The following USP28 variants were observed in gnomAD, a reference collection of about 807,000 sequenced individuals.
USP28 encodes ubiquitin carboxyl-terminal hydrolase 28.
Under a neutral mutation model 145.0 loss-of-function variants are expected in USP28, and 113 were observed. The observed-to-expected ratio is 0.78, with a 90% CI of 0.67 to 0.91. USP28 has a LOEUF of 0.91. USP28 is among the 40% of genes least tolerant of loss of function. The pLI is 0.00. For missense variants in USP28, 1,201 were observed against 1,289.6 expected, an observed-to-expected ratio of 0.93 and a Z score of 1.05; for synonymous variants, 447 against 450.9, an observed-to-expected ratio of 0.99 and a Z score of 0.11.
intron 3 of USP28, among the ~76,000 whole-genome samples, chr11:113,850,224 T>G (rs549063786): frequency 3.3e-4 from 50 of 152,198 alleles, no homozygotes; most frequent in African/African-American, 1.2e-3. Flanking sequence ...AAGATAAGCG[T>G]ATCTTAATAC....
intron 1 of USP28, among the ~76,000 whole-genome samples, chr11:113,856,619 AC>A (rs1345199814): frequency 6.6e-6 from 1 of 152,228 alleles, no homozygotes; most frequent in African/African-American, 2.4e-5. Context: ...GCACTATACC[AC>A]GCTGTATCTG....
chr11:113,872,169 C>A (rs949489861), intron 1 of USP28, among the ~76,000 whole-genome samples: 5 of 152,174 alleles, frequency 3.3e-5, no homozygotes, highest in African/African-American at 1.2e-4. Flanking sequence ...GATTTAATTT[C>A]TTTGATGAAA....
intron 7 of USP28, among the ~76,000 whole-genome samples, chr11:113,833,138 TC>T (rs1308976082): frequency 2.0e-5 from 3 of 152,196 alleles, no homozygotes; most frequent in Non-Finnish European, 2.9e-5. Context: ...TCCAATCTCC[TC>T]CTTTCTACAT....
intron 1 of USP28, 96 bp from the exon 2 acceptor site, chr11:113,854,431 C>T (rs1946818906): frequency 8.2e-7 from 1 of 1,214,116 alleles, no homozygotes; most frequent in Admixed American, 2.0e-5. Flanking sequence ...GATAAACAGG[C>T]CTGAGGCTTG....
intron 3 of USP28, among the ~76,000 whole-genome samples, chr11:113,849,527 C>A (rs1176461162): frequency 6.6e-6 from 1 of 152,082 alleles, no homozygotes; most frequent in Non-Finnish European, 1.5e-5. Flanking sequence ...GGCAGGAGAG[C>A]AATGGAAACC....
chr11:113,839,965 G>A (rs1049706245), intron 5 of USP28, among the ~76,000 whole-genome samples: 1 of 152,190 alleles, frequency 6.6e-6, no homozygotes, highest in Admixed American at 6.5e-5. Context: ...GCAGTGAGCT[G>A]AGATCGCACC....
At chr11:113,799,117 G>T in exon 25 of USP28, 1 of 1,064,158 alleles carries the variant, frequency 9.4e-7, no homozygotes, top group Non-Finnish European at 1.4e-6. Flanking sequence ...CAGCATGGTT[G>T]GGGTCTGATC....
At chr11:113,802,098 C>T (rs1939139445) in intron 23 of USP28, among the ~76,000 whole-genome samples, 1 of 152,294 alleles carries the variant, frequency 6.6e-6, no homozygotes. Context: ...AGCTTCACGA[C>T]TGTCTGAAAG....
intron 1 of USP28, among the ~76,000 whole-genome samples, chr11:113,856,637 C>T (rs1012547057): frequency 2.6e-5 from 4 of 152,130 alleles, no homozygotes; most frequent in Admixed American, 1.3e-4. Flanking sequence ...TCTGAGAAGA[C>T]AAAAAGATAG....
At chr11:113,842,706 T>C (rs1470993755) in intron 3 of USP28, among the ~76,000 whole-genome samples, 7 of 151,334 alleles carry the variant, frequency 4.6e-5, no homozygotes, top group Non-Finnish European at 1.0e-4. Flanking sequence ...TCTTAACAGA[T>C]ACAGAAAATG....
intron 1 of USP28, among the ~76,000 whole-genome samples, chr11:113,865,596 G>T (rs571365373): frequency 6.6e-5 from 10 of 152,246 alleles, no homozygotes; most frequent in Non-Finnish European, 1.5e-4. Context: ...TTTGATGGGG[G>T]AAAAATCATG....
At chr11:113,842,960 G>C (rs1050473924) in intron 3 of USP28, among the ~76,000 whole-genome samples, 1 of 152,224 alleles carries the variant, frequency 6.6e-6, no homozygotes, top group Non-Finnish European at 1.5e-5. Context: ...TTTGGGCATG[G>C]TGGCTCACGC....
chr11:113,832,230 C>T (rs1365180096), intron 7 of USP28, among the ~76,000 whole-genome samples: 1 of 152,160 alleles, frequency 6.6e-6, no homozygotes. Context: ...CTGCCTCAGC[C>T]TCCCAAGTAG....
intron 5 of USP28, chr11:113,835,292 C>T (rs1944443059): frequency 2.2e-6 from 1 of 455,910 alleles, no homozygotes; most frequent in Non-Finnish European, 4.4e-6. Flanking sequence ...TGAAAACCCT[C>T]TCAGGCCTGC....
chr11:113,874,616 A>C, intron 1 of USP28: 1 of 1,288,614 alleles, frequency 7.8e-7, no homozygotes, highest in South Asian at 1.2e-5. Context: ...TTCTCTTGAA[A>C]AAGTGCAGTA....
chr11:113,826,756 C>T (rs973485714), intron 11 of USP28, among the ~76,000 whole-genome samples: 5 of 151,780 alleles, frequency 3.3e-5, no homozygotes, highest in Non-Finnish European at 5.9e-5. Context: ...CCCGTCTCTA[C>T]TAAAAATATA....
intron 1 of USP28, among the ~76,000 whole-genome samples, chr11:113,861,001 C>CCAGCTACT (rs1417160336): frequency 2.0e-5 from 3 of 151,860 alleles, no homozygotes; most frequent in Admixed American, 2.0e-4. Context: ...ACCGGTAGTC[C>CCAGCTACT]CAGCTACTCG....
intron 5 of USP28, among the ~76,000 whole-genome samples, chr11:113,837,414 A>C (rs886115686): frequency 2.0e-5 from 3 of 152,168 alleles, no homozygotes; most frequent in Non-Finnish European, 4.4e-5. Flanking sequence ...ATCTCTATCT[A>C]CATCCACATC....
At chr11:113,853,532 AC>A (rs1244599742) in intron 2 of USP28, among the ~76,000 whole-genome samples, 1 of 152,034 alleles carries the variant, frequency 6.6e-6, no homozygotes, top group Non-Finnish European at 1.5e-5. Flanking sequence ...TCTGAATCAA[AC>A]CCTAACCATC....
Sources: gnomAD v4.1 joint callset for allele counts (sites outside exome capture counted in the v4.1 genomes callset) on GRCh38, gnomAD v4.1.1 for gene constraint, MANE v1.5 for transcripts, NCBI Gene and HGNC (gene_info 2026-07-23, HGNC 2026-07-21) for gene names.